The following CAST variants were observed in gnomAD, a reference collection of about 807,000 sequenced individuals.
CAST encodes MIR583 host.
Under a neutral mutation model 119.6 loss-of-function variants are expected in CAST, and 76 were observed. The observed-to-expected ratio is 0.64, with a 90% CI of 0.53 to 0.77. CAST has a LOEUF of 0.77. Ranked by LOEUF, CAST falls within the 30% of genes least tolerant of loss-of-function variation. The pLI, the probability that CAST is intolerant of heterozygous loss-of-function variation, is 0.00. For missense variants in CAST, 953 were observed against 946.5 expected (o/e 1.01, Z -0.09); for synonymous variants, 319 against 331.6 (o/e 0.96, Z 0.41).
At position 96,626,106 on chromosome 5, in the gene CAST, A is replaced by T. The variant is rs536105623; in HGVS notation, c.61-49433A>T. Reference sequence around the variant, plus strand: ...ATAAATCTCTGGCATATCTAATCTCATCCTGGCATCTGCTTCTCCAATAAG... The same window carrying T: ...ATAAATCTCTGGCATATCTAATCTCTTCCTGGCATCTGCTTCTCCAATAAG... On this transcript the variant is annotated intron_variant, in intron 1 of 11. Coordinates refer to the CAST transcript ENST00000505143. Among the ~76,000 whole-genome samples, 106 of 152,036 alleles carry T rather than the reference A, an allele frequency of 7.0e-4. 1 individual carries two copies. The highest frequency in any genetic ancestry group is 2.4e-3 in the African/African-American group (98 of 41,462).
chr5:95,984,127 T>C, the CAST span, among the ~76,000 whole-genome samples: 3 of 152,190 alleles, frequency 2.0e-5, no homozygotes, highest in Non-Finnish European at 4.4e-5. Context: ...GTACAGCTCC[T>C]GGTCTGTGGA....
the CAST span, among the ~76,000 whole-genome samples, chr5:96,221,939 C>A: frequency 0.33 from 49,630 of 151,862 alleles, 8,440 homozygotes; most frequent in Admixed American, 0.43. Flanking sequence ...GAATAGAGCA[C>A]CCAGAAATAA....
Position 96,729,716 on chromosome 5 carries a change from A to G in CAST, c.540A>G (p.Thr180=), listed in dbSNP as rs767783944. The change falls in exon 8 of 32, where the codon ACA becomes ACG. Residue 180 remains threonine, a synonymous_variant. Coordinates refer to ENST00000675179, the MANE Select transcript of CAST (RefSeq NM_001750.7). ...SAEQQPSEKS[T]EPKTKPQDMI... Reference sequence around the variant, plus strand: ...AACAGCAGCCATCAGAGAAATCAACAGAACCAAAGGTAAATGAAGCAGATT... The same window carrying G: ...AACAGCAGCCATCAGAGAAATCAACGGAACCAAAGGTAAATGAAGCAGATT... 2 of 1,450,358 alleles carry G rather than the reference A, an allele frequency of 1.4e-6. No individual in the cohort carries two copies. Among genetic ancestry groups the G allele is most frequent in the South Asian group, 2.3e-5 (2 of 87,750 alleles). 89.8% of individuals were successfully genotyped at this position (1,450,358 alleles called of 1,614,324 possible). A position where few individuals can be genotyped will look rare whatever the true frequency, so the allele number is the denominator to read the frequency against.
intron 1 of CAST, among the ~76,000 whole-genome samples, chr5:96,570,811 CA>C (rs1168158093): frequency 6.6e-6 from 1 of 152,148 alleles, no homozygotes. Flanking sequence ...ACCTTCAACT[CA>C]AACCCAAGTT....
At chr5:96,486,966 G>A in the CAST span, among the ~76,000 whole-genome samples, 1 of 151,396 alleles carries the variant, frequency 6.6e-6, no homozygotes, top group African/African-American at 2.4e-5. Context: ...AAAGGAAAAG[G>A]TTTTATAATT....
intron 1 of CAST, among the ~76,000 whole-genome samples, chr5:96,674,660 A>G (rs1750483474): frequency 6.6e-6 from 1 of 152,312 alleles, no homozygotes; most frequent in African/African-American, 2.4e-5. Context: ...AAGCTTTTAT[A>G]CCCCACGTAA....
At chr5:96,487,446 A>G in the CAST span, among the ~76,000 whole-genome samples, 1 of 152,198 alleles carries the variant, frequency 6.6e-6, no homozygotes, top group African/African-American at 2.4e-5. Flanking sequence ...TTCCCACATC[A>G]GTTATAGTTT....
intron 1 of CAST, among the ~76,000 whole-genome samples, chr5:96,551,375 T>A (rs1312542573): frequency 1.3e-5 from 2 of 152,052 alleles, no homozygotes; most frequent in African/African-American, 2.4e-5. Context: ...GCTGAGAGAT[T>A]TTTGTCACCC....
intron 16 of CAST, chr5:96,743,860 C>T (rs970260881): frequency 8.2e-6 from 6 of 728,778 alleles, no homozygotes; most frequent in South Asian, 3.8e-5. Context: ...TTGGCAGAAT[C>T]CTGGGGGGAG....
the CAST span, among the ~76,000 whole-genome samples, chr5:96,453,246 T>C: frequency 6.6e-6 from 1 of 152,218 alleles, no homozygotes; most frequent in African/African-American, 2.4e-5. Flanking sequence ...TTCACCACTG[T>C]GTGTATAATG....
chr5:96,055,395 C>G, the CAST span, among the ~76,000 whole-genome samples: 1 of 152,022 alleles, frequency 6.6e-6, no homozygotes, highest in Non-Finnish European at 1.5e-5. Flanking sequence ...TAAATGCATC[C>G]AAAATAAATG....
chr5:96,337,682 TC>T, the CAST span, among the ~76,000 whole-genome samples: 34 of 152,226 alleles, frequency 2.2e-4, no homozygotes, highest in African/African-American at 8.2e-4. Flanking sequence ...AATGTTAATG[TC>T]CTCTTTGGCA....
chr5:96,495,742 C>G, the CAST span, among the ~76,000 whole-genome samples: 1 of 152,050 alleles, frequency 6.6e-6, no homozygotes, highest in East Asian at 1.9e-4. Context: ...GTGCATGTGT[C>G]TTTATAGTAG....
At chr5:96,545,986 C>G (rs1746003531) in intron 1 of CAST, among the ~76,000 whole-genome samples, 1 of 152,184 alleles carries the variant, frequency 6.6e-6, no homozygotes. Context: ...TTTATCCAAG[C>G]AGTTAGCCAT....
the CAST span, among the ~76,000 whole-genome samples, chr5:96,346,619 A>C: frequency 6.6e-6 from 1 of 152,156 alleles, no homozygotes; most frequent in African/African-American, 2.4e-5. Flanking sequence ...TATATACTAC[A>C]TCCTAAAGCA....
chr5:96,064,185 G>A, the CAST span, among the ~76,000 whole-genome samples: 14 of 152,154 alleles, frequency 9.2e-5, no homozygotes, highest in Non-Finnish European at 1.6e-4. Context: ...CAAAGAGACA[G>A]TAGTTTTTTT....
At chr5:96,007,965 A>G in the CAST span, among the ~76,000 whole-genome samples, 18 of 145,740 alleles carry the variant, frequency 1.2e-4, 4 homozygotes, top group Non-Finnish European at 2.0e-4. Context: ...AAAAAAAAAG[A>G]AGAGGAAGAT....
the CAST span, among the ~76,000 whole-genome samples, chr5:96,442,749 C>T: frequency 4.6e-5 from 7 of 152,172 alleles, no homozygotes; most frequent in African/African-American, 1.2e-4. Flanking sequence ...TCGTAAGGAG[C>T]GCTGTGAAAA....
intron 1 of CAST, among the ~76,000 whole-genome samples, chr5:96,550,750 A>G (rs1231817900): frequency 6.6e-6 from 1 of 152,244 alleles, no homozygotes; most frequent in Non-Finnish European, 1.5e-5. Flanking sequence ...AAACCACAGT[A>G]CGAGAACTTC....
Sources: allele counts gnomAD v4.1 joint callset (sites outside exome capture counted in the v4.1 genomes callset), GRCh38; gene constraint gnomAD v4.1.1; transcripts MANE v1.5; gene names NCBI Gene and HGNC (gene_info 2026-07-23, HGNC 2026-07-21).